The following GUCY2F variants were observed in gnomAD, a reference collection of about 807,000 sequenced individuals.
GUCY2F encodes retinal guanylyl cyclase 2.
Under a neutral mutation model 73.1 loss-of-function variants are expected in GUCY2F, and 61 were observed. The ratio of observed to expected loss-of-function variants is 0.83; its 90% CI spans 0.68 to 1.03. The LOEUF is 1.03. GUCY2F is among the 50% of genes least tolerant of loss of function. The pLI, the probability that GUCY2F is intolerant of heterozygous loss-of-function variation, is 0.00. For missense variants in GUCY2F, 912 were observed against 854.3 expected (o/e 1.07, Z -0.84); for synonymous variants, 331 against 307.8 (o/e 1.08, Z -0.79).
intron 4 of GUCY2F, among the ~76,000 whole-genome samples, chrX:109,452,558 C>T (rs1464631603): frequency 8.9e-6 from 1 of 111,911 alleles, no homozygotes; most frequent in African/African-American, 3.2e-5. Flanking sequence ...GGTACTTCTC[C>T]TTCAAGGGTG....
At chrX:109,373,886 G>A (rs1237867014) in intron 19 of GUCY2F, among the ~76,000 whole-genome samples, 1 of 112,518 alleles carries the variant, frequency 8.9e-6, no homozygotes, top group Non-Finnish European at 1.9e-5. Flanking sequence ...AGAGTTATCA[G>A]GTGACGTGTA....
intron 11 of GUCY2F, among the ~76,000 whole-genome samples, chrX:109,396,785 G>T (rs1476144200): frequency 8.9e-6 from 1 of 112,365 alleles, no homozygotes; most frequent in Non-Finnish European, 1.9e-5. Context: ...CTTTAACCCA[G>T]GTCAGGCTGT....
chrX:109,374,128 T>C (rs756548227), intron 19 of GUCY2F, among the ~76,000 whole-genome samples: 10 of 112,191 alleles, frequency 8.9e-5, no homozygotes, highest in East Asian at 2.8e-4. Flanking sequence ...TCACAGAAAG[T>C]TGGAAACATT....
rs773361901 is a variant in GUCY2F, at chrX:109,398,716, T to A, written c.2126-18A>T. 8.4e-7 allele frequency: 1 copy of A among 1,196,850 alleles called. No individual in the cohort carries two copies. The highest frequency in any genetic ancestry group is 1.1e-6 in the Non-Finnish European group (1 of 883,274). ...CAGCAGCTCTAAAAAGAAAGCATTG[T>A]GTAATGAATGCAGGGAGGATTAACT... is the stretch of plus-strand genomic sequence containing the variant. On this transcript the variant is annotated intron_variant, in intron 10 of 19. Transcript: ENST00000218006.
chrX:109,387,145 A>C (rs994068870), intron 15 of GUCY2F, among the ~76,000 whole-genome samples: 4 of 112,269 alleles, frequency 3.6e-5, no homozygotes, highest in African/African-American at 1.3e-4. Context: ...GCAGTGATCC[A>C]GGCAAGAGAT....
intron 7 of GUCY2F, among the ~76,000 whole-genome samples, chrX:109,437,134 T>C (rs1331398820): frequency 9.0e-6 from 1 of 111,682 alleles, no homozygotes; most frequent in Non-Finnish European, 1.9e-5. Context: ...TTATGTTCCC[T>C]CTTTGAGTCC....
intron 8 of GUCY2F, among the ~76,000 whole-genome samples, chrX:109,410,283 T>G (rs764789166): frequency 4.5e-5 from 5 of 112,287 alleles, no homozygotes; most frequent in Non-Finnish European, 3.8e-5. Flanking sequence ...AAGCTGCAGA[T>G]TTCTCTCTGA....
intron 19 of GUCY2F, among the ~76,000 whole-genome samples, chrX:109,375,118 A>G (rs1930145307): frequency 9.1e-6 from 1 of 109,879 alleles, no homozygotes; most frequent in African/African-American, 3.3e-5. Context: ...TGGAGGGAGC[A>G]AAGTGTTTCA....
At chrX:109,475,091 T>A in intron 2 of GUCY2F, 116 bp downstream of exon 2, 1 of 738,031 alleles carries the variant, frequency 1.4e-6, no homozygotes, top group African/African-American at 2.1e-5. Context: ...AGGGCAAATG[T>A]GTAAAGAAAT....
chrX:109,444,857 T>C lies in GUCY2F; in HGVS notation c.1569+3212A>G, dbSNP rs182290394. On this transcript the variant is annotated intron_variant, in intron 6 of 19. Transcript: ENST00000218006. ...AAACTCAGAAATCCAGATTTTTATATGTAATTTCACAATTTCAAAATTCTG... is the reference window on the plus strand; with the variant it reads ...AAACTCAGAAATCCAGATTTTTATACGTAATTTCACAATTTCAAAATTCTG... Among the ~76,000 whole-genome samples, 671 of 112,051 alleles carry C rather than the reference T, an allele frequency of 6.0e-3. 4 individuals carry two copies. The highest frequency in any genetic ancestry group is 0.01 in the Non-Finnish European group (535 of 53,153).
chrX:109,438,033 G>A (rs964500550), intron 7 of GUCY2F, among the ~76,000 whole-genome samples: 1 of 112,609 alleles, frequency 8.9e-6, no homozygotes, highest in Non-Finnish European at 1.9e-5. Flanking sequence ...CACATAGACT[G>A]AACAAACATA....
intron 8 of GUCY2F, among the ~76,000 whole-genome samples, chrX:109,418,101 C>G (rs1931287840): frequency 9.0e-6 from 1 of 111,206 alleles, no homozygotes; most frequent in South Asian, 3.7e-4. Context: ...AGAAAATGCT[C>G]CAAATTAGGG....
intron 3 of GUCY2F, among the ~76,000 whole-genome samples, chrX:109,458,896 T>G (rs1216235596): frequency 9.0e-6 from 1 of 111,262 alleles, no homozygotes. Flanking sequence ...AGAGCTTAAG[T>G]AAACTTAAGG....
intron 8 of GUCY2F, among the ~76,000 whole-genome samples, chrX:109,413,623 C>A (rs1931166211): frequency 9.0e-6 from 1 of 110,958 alleles, no homozygotes; most frequent in East Asian, 2.9e-4. Flanking sequence ...CCAGGCTGGT[C>A]TCGAACTCCT....
At chrX:109,442,155 G>A (rs762730626) in intron 6 of GUCY2F, among the ~76,000 whole-genome samples, 3 of 111,696 alleles carry the variant, frequency 2.7e-5, no homozygotes, top group South Asian at 3.8e-4. Context: ...GAAAGGGCTC[G>A]GAACTGCACA....
chrX:109,385,967 T>C (rs978883785), intron 15 of GUCY2F, among the ~76,000 whole-genome samples: 1 of 111,044 alleles, frequency 9.0e-6, no homozygotes, highest in Non-Finnish European at 1.9e-5. Context: ...TCTGCTCTGA[T>C]TTTGTTTTCC....
At chrX:109,437,800 T>A (rs1026381955) in intron 7 of GUCY2F, among the ~76,000 whole-genome samples, 2 of 112,670 alleles carry the variant, frequency 1.8e-5, no homozygotes, top group African/African-American at 6.4e-5. Context: ...TTATGGAGAT[T>A]TACTTCAGAA....
intron 6 of GUCY2F, among the ~76,000 whole-genome samples, chrX:109,446,662 C>T (rs1460252424): frequency 9.0e-6 from 1 of 111,700 alleles, no homozygotes; most frequent in Non-Finnish European, 1.9e-5. Context: ...GACCTAAAAC[C>T]ATAAAAACCC....
intron 8 of GUCY2F, among the ~76,000 whole-genome samples, chrX:109,420,220 CA>C (rs749869638): frequency 8.4e-3 from 319 of 38,007 alleles, no homozygotes; most frequent in Middle Eastern, 0.024. Flanking sequence ...CTTAGGCCAC[CA>C]AAAAAAAAAA....
Sources: gnomAD v4.1 joint callset for allele counts (sites outside exome capture counted in the v4.1 genomes callset) on GRCh38, gnomAD v4.1.1 for gene constraint, MANE v1.5 for transcripts, NCBI Gene and HGNC (gene_info 2026-07-23, HGNC 2026-07-21) for gene names.